Variants in GTF3C2 observed in about 807,000 individuals in gnomAD.
GTF3C2 encodes the protein general transcription factor IIIC subunit 2, also known as general transcription factor 3C polypeptide 2.
A neutral mutation model predicts 117.4 loss-of-function variants in GTF3C2; 17 were observed. That is an observed-to-expected ratio of 0.14 (90% CI 0.10 to 0.22). The LOEUF (loss-of-function observed/expected upper bound fraction) is 0.22. Ranked by LOEUF, GTF3C2 falls within the 10% of genes least tolerant of loss-of-function variation. The pLI, the probability that GTF3C2 is intolerant of heterozygous loss-of-function variation, is 1.00. For synonymous variants in GTF3C2, 437 were observed against 427.0 expected (o/e 1.02, Z -0.29); for missense variants, 888 against 1,143.6 (o/e 0.78, Z 3.22).
chr2:27,355,086 G>A (rs906102469), intron 1 of GTF3C2, among the ~76,000 whole-genome samples: 7 of 152,166 alleles, frequency 4.6e-5, no homozygotes, highest in South Asian at 2.1e-4. Context: ...TTATCATACC[G>A]TTACTGATCT....
chr2:27,333,645 G>T lies in GTF3C2; in HGVS notation c.1732+10C>A, dbSNP rs201079868. On this transcript the variant is annotated intron_variant, in intron 12 of 18. Coordinates refer to ENST00000264720, the Ensembl canonical transcript of GTF3C2. ...CAATAGTTCCTTATGTTTTATTTTGGTTTTTTTACCATTATAATATCCAGC... is the reference window on the plus strand; with the variant it reads ...CAATAGTTCCTTATGTTTTATTTTGTTTTTTTTACCATTATAATATCCAGC... 1.6e-4 allele frequency: 258 copies of T among 1,590,980 alleles called. No homozygotes were observed. The highest frequency in any genetic ancestry group is 3.4e-4 in the Middle Eastern group (2 of 5,964).
intron 1 of GTF3C2, among the ~76,000 whole-genome samples, chr2:27,354,547 G>A (rs891213402): frequency 2.6e-5 from 4 of 152,010 alleles, no homozygotes; most frequent in Admixed American, 1.3e-4. Context: ...GATCACTTGA[G>A]GTCAGGAGAC....
intron 1 of GTF3C2, among the ~76,000 whole-genome samples, chr2:27,347,727 C>T (rs996819383): frequency 1.3e-5 from 2 of 152,222 alleles, no homozygotes; most frequent in Non-Finnish European, 2.9e-5. Context: ...CCCTCCAAAA[C>T]TCATGTTGAA....
At chr2:27,327,359 G>T in intron 17 of GTF3C2, 75 bp from the exon 18 acceptor site, 1 of 747,162 alleles carries the variant, frequency 1.3e-6, no homozygotes, top group Non-Finnish European at 2.3e-6. Context: ...GTCTCGCTCT[G>T]TCACCCAGGC....
intron 17 of GTF3C2, among the ~76,000 whole-genome samples, chr2:27,327,652 G>A (rs1243399039): frequency 2.1e-4 from 29 of 135,820 alleles, no homozygotes; most frequent in Admixed American, 1.2e-3. Context: ...TTTTTGAGAC[G>A]GAGTCTTGCT....
At chr2:27,338,449 C>T (rs572655746) in intron 4 of GTF3C2, among the ~76,000 whole-genome samples, 3 of 56,876 alleles carry the variant, frequency 5.3e-5, no homozygotes, top group Non-Finnish European at 1.2e-4. Flanking sequence ...CAGGCGCGCA[C>T]GCGCACGCGC....
intron 1 of GTF3C2, 30 bp from the exon 2 acceptor site, chr2:27,343,608 G>C (rs558231357): frequency 2.5e-6 from 4 of 1,581,332 alleles, no homozygotes; most frequent in Non-Finnish European, 3.5e-6. Context: ...AATGAGTAGA[G>C]GACAAAAACT....
chr2:27,333,444 C>T (rs1322275296), intron 12 of GTF3C2, among the ~76,000 whole-genome samples: 2 of 152,062 alleles, frequency 1.3e-5, no homozygotes, highest in South Asian at 2.1e-4. Flanking sequence ...CGTGAGCTAC[C>T]GCGCCTGGCC....
Position 27,327,169 on chromosome 2 carries a change from G to GA in GTF3C2, c.2517+7dup. Reference sequence around the variant, plus strand: ...TGAGAGTGGAGGGTGGAGAGGATGAGAGACTACCTTATGAATAGCCTCCAG... The same window carrying GA: ...TGAGAGTGGAGGGTGGAGAGGATGAGAAGACTACCTTATGAATAGCCTCCAG... On this transcript the variant is annotated splice_region_variant and intron_variant, in intron 18 of 18. Transcript: ENST00000264720. 6.9e-7 allele frequency: 1 copy of GA among 1,457,204 alleles called. No homozygotes were observed. The highest frequency in any genetic ancestry group is 9.6e-7 in the Non-Finnish European group (1 of 1,038,960). 90.3% of individuals were successfully genotyped at this position (1,457,204 alleles called of 1,614,324 possible).
At position 27,353,134 on chromosome 2, in the gene GTF3C2, C is replaced by T. The variant is rs528589568; in HGVS notation, c.-25+3605G>A. The stretch of plus-strand genomic sequence containing the variant: ...AAAAGGCCGGGCGCTGTGGCTCATG[C>T]CTGTAATCTCAGCACTTTGGGAGAC... On this transcript the variant is annotated intron_variant, in intron 1 of 18. Coordinates refer to ENST00000264720, the Ensembl canonical transcript of GTF3C2. 1.5e-4 allele frequency among the ~76,000 whole-genome samples: 23 copies of T among 152,274 alleles called. No homozygotes were observed. In the South Asian group the frequency reaches 4.6e-3, roughly 30 times the overall value.
intron 1 of GTF3C2, among the ~76,000 whole-genome samples, chr2:27,353,316 G>C (rs1681202162): frequency 6.6e-6 from 1 of 151,084 alleles, no homozygotes; most frequent in African/African-American, 2.4e-5. Context: ...TTGCTTGCAG[G>C]AGGTTGCAGT....
At chr2:27,356,079 G>A (rs916555750) in intron 1 of GTF3C2, 1 of 1,286,996 alleles carries the variant, frequency 7.8e-7, no homozygotes, top group Admixed American at 2.3e-5. Context: ...AAAGAGGTTT[G>A]TCCATACCCT....
At position 27,329,651 on chromosome 2, in the gene GTF3C2, G is replaced by C. The variant is rs66505571; in HGVS notation, c.1733-128C>G. The C allele has an allele frequency of 2.4e-5, 20 of 833,764 alleles. No homozygotes were observed. In the Admixed American group the frequency reaches 4.6e-4, roughly 19 times the overall value. The allele number at this position is 833,764 out of a possible 1,614,324, so 51.6% of individuals were successfully genotyped here. On this transcript the variant is annotated intron_variant, in intron 12 of 18. Transcript: ENST00000264720. This position sits in a 1 kb window ranked among gnomAD's most constrained non-coding sequence, Gnocchi z 4.5. ...TCCAAACCACTATGAAAGGATGTGG[G>C]GATCCTGATTAGCTATCCAACACTC...
intron 12 of GTF3C2, among the ~76,000 whole-genome samples, chr2:27,330,759 G>C (rs1407124316): frequency 6.6e-6 from 1 of 152,182 alleles, no homozygotes; most frequent in African/African-American, 2.4e-5. Context: ...TCCAGAGTTT[G>C]AGACCAGCCT....
intron 10 of GTF3C2, 114 bp from the exon 11 acceptor site, chr2:27,334,113 A>C (rs1680369997): frequency 3.9e-6 from 3 of 759,980 alleles, no homozygotes; most frequent in African/African-American, 1.7e-5. Context: ...GCAGCCTCCA[A>C]CTCCTGGGCT....
intron 7 of GTF3C2, 41 bp downstream of exon 7, chr2:27,337,203 G>T: frequency 8.6e-7 from 1 of 1,166,690 alleles, no homozygotes; most frequent in Non-Finnish European, 1.3e-6. Context: ...CTTGTTTCTG[G>T]CTCCTAGAAT....
rs747679500 is a variant in GTF3C2, at chr2:27,345,715, CT to C, written c.-24-2138del. Among the ~76,000 whole-genome samples the C allele has an allele frequency of 5.9e-3, 824 of 139,864 alleles. 9 individuals are homozygous for C. In the East Asian group the frequency reaches 0.064, roughly 11 times the overall value. 91.8% of individuals were successfully genotyped at this position (139,864 alleles called of 152,430 possible). A position where few individuals can be genotyped will look rare whatever the true frequency, so the allele number is the denominator to read the frequency against. ...TCCTATTATGTTAAGAAAGCTTTTC[CT>C]TTTTTTTTTTTTTTGAGATGGAGTT... On this transcript the variant is annotated intron_variant, in intron 1 of 18. Transcript: ENST00000264720.
intron 16 of GTF3C2, 43 bp downstream of exon 16, chr2:27,328,425 G>T: frequency 6.2e-7 from 1 of 1,607,280 alleles, no homozygotes; most frequent in Non-Finnish European, 8.5e-7. Context: ...GAGGGCATGT[G>T]GGTTAGGATC....
chr2:27,350,304 C>T (rs1052674689), intron 1 of GTF3C2: 14 of 552,652 alleles, frequency 2.5e-5, no homozygotes, highest in Non-Finnish European at 3.0e-5. Flanking sequence ...TAGTTCTACC[C>T]CAGACCTACC....
Sources: allele counts gnomAD v4.1 joint callset (sites outside exome capture counted in the v4.1 genomes callset), GRCh38; gene constraint gnomAD v4.1.1; non-coding constraint Gnocchi (gnomAD v3.1); transcripts MANE v1.5; gene names NCBI Gene and HGNC (gene_info 2026-07-23, HGNC 2026-07-21).